GHR: variants seen among roughly 807,000 people sequenced by gnomAD.
GHR encodes the protein growth hormone receptor, also known as GH receptor.
A neutral mutation model predicts 67.1 loss-of-function variants in GHR; 35 were observed. That is an observed-to-expected ratio of 0.52 (90% CI 0.40 to 0.69). GHR has a LOEUF of 0.69. Among genes scored for constraint, GHR ranks in the 30% least tolerant of loss-of-function variants. GHR has a pLI of 0.00. For missense variants in GHR, 792 were observed against 764.6 expected (o/e 1.04, Z -0.42); for synonymous variants, 272 against 269.1 (o/e 1.01, Z -0.10).
intron 2 of GHR, among the ~76,000 whole-genome samples, chr5:42,586,293 G>T (rs1248931200): frequency 6.6e-6 from 1 of 152,044 alleles, no homozygotes; most frequent in Admixed American, 6.6e-5. Context: ...ATATTTAGAA[G>T]AAAAGAAAAT....
intron 6 of GHR, among the ~76,000 whole-genome samples, chr5:42,702,118 A>G (rs948907467): frequency 1.5e-4 from 23 of 152,138 alleles, no homozygotes; most frequent in Non-Finnish European, 2.9e-5. Context: ...AGCATTAACT[A>G]TAGTCACCAT....
chr5:42,454,388 G>T (rs1362751317), intron 1 of GHR, among the ~76,000 whole-genome samples: 1 of 152,194 alleles, frequency 6.6e-6, no homozygotes, highest in African/African-American at 2.4e-5. Context: ...CAATATTATT[G>T]TCATGAGTAT....
At chr5:42,596,190 C>T (rs1278381130) in intron 2 of GHR, among the ~76,000 whole-genome samples, 1 of 152,048 alleles carries the variant, frequency 6.6e-6, no homozygotes, top group Non-Finnish European at 1.5e-5. Context: ...GGCTGCTGCT[C>T]ACCAGGTCTG....
rs1187208410 is a variant in GHR, at chr5:42,480,837, A to C, written c.-12+56882A>C. Among the ~76,000 whole-genome samples, 143 of 152,256 alleles carry C rather than the reference A, an allele frequency of 9.4e-4. 1 individual carries two copies. The highest frequency in any genetic ancestry group is 5.9e-5 in the Non-Finnish European group (4 of 68,020). On this transcript the variant is annotated intron_variant, in intron 1 of 9. Coordinates refer to ENST00000230882, the MANE Select transcript of GHR (RefSeq NM_000163.5). ...GCACGCTGATGGGTCTTGACTCTTT[A>C]TCCAATTTGCCAGCCTGTGTCTTTT...
intron 3 of GHR, among the ~76,000 whole-genome samples, chr5:42,661,940 T>G (rs376447042): frequency 1.4e-4 from 21 of 151,758 alleles, no homozygotes; most frequent in Admixed American, 2.6e-4. Flanking sequence ...ACAAAAAAAG[T>G]CAGGGGTTGC....
chr5:42,565,343 C>T (rs924020116), intron 1 of GHR: 1 of 472,196 alleles, frequency 2.1e-6, no homozygotes, highest in African/African-American at 2.1e-5. Flanking sequence ...TCTAGTTAAA[C>T]CTCTTTAGGA....
chr5:42,539,840 A>G (rs1466135569), intron 1 of GHR, among the ~76,000 whole-genome samples: 1 of 152,162 alleles, frequency 6.6e-6, no homozygotes, highest in Admixed American at 6.6e-5. Flanking sequence ...TTATATGTTT[A>G]TACTAAGCAT....
chr5:42,615,275 T>C (rs1035217006), intron 2 of GHR, among the ~76,000 whole-genome samples: 1 of 152,068 alleles, frequency 6.6e-6, no homozygotes, highest in African/African-American at 2.4e-5. Flanking sequence ...CGACCTATAC[T>C]TTCATTTCTT....
rs1034284672 is a variant in GHR, at chr5:42,625,890, G to A, written c.71-3148G>A. On this transcript the variant is annotated intron_variant, in intron 2 of 9. Coordinates refer to ENST00000230882, the MANE Select transcript of GHR (RefSeq NM_000163.5). ...TTTTTCCCATAAGAGACTTTGTAGGGCAATTTCAAGGCATGGCAAGGAAAT... is the reference window on the plus strand; with the variant it reads ...TTTTTCCCATAAGAGACTTTGTAGGACAATTTCAAGGCATGGCAAGGAAAT... Among the ~76,000 whole-genome samples the A allele has an allele frequency of 7.2e-5, 11 of 152,006 alleles. 1 individual carries two copies. The highest frequency in any genetic ancestry group is 7.2e-4 in the Admixed American group (11 of 15,248).
At chr5:42,504,277 G>A (rs528320562) in intron 1 of GHR, among the ~76,000 whole-genome samples, 6 of 152,220 alleles carry the variant, frequency 3.9e-5, no homozygotes, top group Admixed American at 3.3e-4. Flanking sequence ...CTGATTTTAT[G>A]CCCAATTTTT....
intron 3 of GHR, among the ~76,000 whole-genome samples, chr5:42,670,880 A>T (rs7714481): frequency 0.16 from 18,439 of 118,134 alleles, 2,347 homozygotes; most frequent in African/African-American, 0.35. Context: ...AAAAAAAAAA[A>T]ATATATATAT....
chr5:42,657,369 T>C (rs750606302), intron 3 of GHR, among the ~76,000 whole-genome samples: 7 of 152,104 alleles, frequency 4.6e-5, no homozygotes, highest in African/African-American at 7.2e-5. Context: ...TCTGCCAAAG[T>C]AGTGTTTTTA....
chr5:42,709,775 T>G (rs920519719), intron 6 of GHR, among the ~76,000 whole-genome samples: 3 of 152,068 alleles, frequency 2.0e-5, no homozygotes, highest in African/African-American at 7.3e-5. Flanking sequence ...GAATACCAGC[T>G]CTCCTCAATA....
At chr5:42,440,608 G>T (rs909905376) in intron 1 of GHR, among the ~76,000 whole-genome samples, 3 of 152,134 alleles carry the variant, frequency 2.0e-5, no homozygotes, top group African/African-American at 4.8e-5. Flanking sequence ...TGAAGCAGGG[G>T]AGTGACATAA....
At chr5:42,652,174 A>G (rs1009241655) in intron 3 of GHR, among the ~76,000 whole-genome samples, 13 of 152,326 alleles carry the variant, frequency 8.5e-5, no homozygotes, top group African/African-American at 2.2e-4. Flanking sequence ...TTTGTATTAC[A>G]GATAGTTTAG....
At chr5:42,479,542 C>A (rs1007018905) in intron 1 of GHR, among the ~76,000 whole-genome samples, 1 of 152,078 alleles carries the variant, frequency 6.6e-6, no homozygotes, top group Admixed American at 6.6e-5. Context: ...GTAAGCTATT[C>A]ATTATTGCCT....
chr5:42,470,912 G>GA (rs1554054295), intron 1 of GHR, among the ~76,000 whole-genome samples: 1 of 152,072 alleles, frequency 6.6e-6, no homozygotes, highest in Non-Finnish European at 1.5e-5. Flanking sequence ...TGTCCTTGAG[G>GA]AGTTTATTCC....
chr5:42,638,719 T>C (rs1211487688), intron 3 of GHR, among the ~76,000 whole-genome samples: 1 of 152,154 alleles, frequency 6.6e-6, no homozygotes, highest in Non-Finnish European at 1.5e-5. Flanking sequence ...AGTTGAAAAT[T>C]TTAAATTACA....
chr5:42,472,377 C>G, intron 1 of GHR, among the ~76,000 whole-genome samples: 1 of 152,008 alleles, frequency 6.6e-6, no homozygotes, highest in East Asian at 1.9e-4. Flanking sequence ...AATGCTATTG[C>G]ACAAAAAAGA....
Sources: allele counts gnomAD v4.1 joint callset (sites outside exome capture counted in the v4.1 genomes callset), GRCh38; gene constraint gnomAD v4.1.1; transcripts MANE v1.5; gene names NCBI Gene and HGNC (gene_info 2026-07-23, HGNC 2026-07-21).